The following CLEC9A variants were observed in gnomAD, a reference collection of about 807,000 sequenced individuals.
CLEC9A encodes C-type lectin domain containing 9A.
Under a neutral mutation model 30.0 loss-of-function variants are expected in CLEC9A, and 24 were observed. The observed-to-expected ratio is 0.80, with a 90% CI of 0.58 to 1.13. The LOEUF is 1.13. Among genes scored for constraint, CLEC9A ranks in the 50% most tolerant of loss-of-function variants. CLEC9A has a pLI of 0.00. For synonymous variants in CLEC9A, 111 were observed against 96.8 expected (o/e 1.15, Z -0.86); for missense variants, 251 against 280.9 (o/e 0.89, Z 0.76).
intron 2 of CLEC9A, among the ~76,000 whole-genome samples, chr12:10,049,956 AT>A (rs762692221): frequency 2.0e-5 from 3 of 152,086 alleles, no homozygotes; most frequent in Non-Finnish European, 4.4e-5. Context: ...AAACTTAATC[AT>A]TTTTAACTTT....
chr12:10,059,436 T>C (rs1467739257), intron 5 of CLEC9A, among the ~76,000 whole-genome samples: 1 of 152,134 alleles, frequency 6.6e-6, no homozygotes, highest in Non-Finnish European at 1.5e-5. Context: ...TAGACCACAG[T>C]CTTAAAAGTA....
At chr12:10,056,786 GA>G (rs2137311127) in intron 5 of CLEC9A, among the ~76,000 whole-genome samples, 1 of 152,148 alleles carries the variant, frequency 6.6e-6, no homozygotes, top group African/African-American at 2.4e-5. Context: ...ATTGTATGAA[GA>G]AAATGTTACT....
chr12:10,031,437 A>C lies in CLEC9A; in HGVS notation c.-318+465A>C, dbSNP rs188490692. Among the ~76,000 whole-genome samples the C allele has an allele frequency of 9.2e-5, 14 of 152,208 alleles. No homozygotes were observed. The East Asian group carries it at 2.7e-3, about 29-fold the overall frequency. On this transcript the variant is annotated intron_variant, in intron 1 of 8. Transcript: ENST00000355819. ...AGGAGGCCATCCCTGGTTATTTCTT[A>C]CTCCTCTGTTGATTTCCTTTAATCT... is the stretch of plus-strand genomic sequence containing the variant.
At chr12:10,058,096 T>G (rs1252653428) in intron 5 of CLEC9A, among the ~76,000 whole-genome samples, 1 of 152,162 alleles carries the variant, frequency 6.6e-6, no homozygotes, top group Non-Finnish European at 1.5e-5. Context: ...TTGCTTCCCA[T>G]TTAGGGTAAA....
chr12:10,060,426 A>T (rs557022775), intron 5 of CLEC9A, among the ~76,000 whole-genome samples: 1 of 152,366 alleles, frequency 6.6e-6, no homozygotes, highest in African/African-American at 2.4e-5. Flanking sequence ...TCTCCAGAGG[A>T]TTATTCTGAG....
chr12:10,065,279 A>G (rs577916932), intron 8 of CLEC9A, among the ~76,000 whole-genome samples: 3 of 152,316 alleles, frequency 2.0e-5, no homozygotes, highest in African/African-American at 7.2e-5. Context: ...TTGGGTATCT[A>G]TGTTTTCTTT....
chr12:10,038,091 T>C (rs936121238), intron 1 of CLEC9A, among the ~76,000 whole-genome samples: 4 of 152,238 alleles, frequency 2.6e-5, no homozygotes, highest in African/African-American at 9.6e-5. Context: ...TGGGAACCAC[T>C]GAATATTTTA....
chr12:10,039,345 A>G (rs1312614864), intron 1 of CLEC9A, among the ~76,000 whole-genome samples: 1 of 152,216 alleles, frequency 6.6e-6, no homozygotes, highest in African/African-American at 2.4e-5. Context: ...TCCTATACAT[A>G]GCTGCCAAGA....
chr12:10,042,215 A>G (rs903780683), intron 2 of CLEC9A, among the ~76,000 whole-genome samples: 2 of 152,222 alleles, frequency 1.3e-5, no homozygotes, highest in Non-Finnish European at 2.9e-5. Flanking sequence ...CAGGTTCTGT[A>G]GGGAAGTATA....
At chr12:10,034,748 G>C (rs941780231) in intron 1 of CLEC9A, among the ~76,000 whole-genome samples, 1 of 152,192 alleles carries the variant, frequency 6.6e-6, no homozygotes, top group African/African-American at 2.4e-5. Flanking sequence ...GGGAGGGGCA[G>C]GCTGTGGGGC....
In CLEC9A at chr12:10,045,362, CT is replaced by C. The variant is rs538722443; in HGVS notation, c.-163+3752del. On this transcript the variant is annotated intron_variant, in intron 2 of 8. Transcript: ENST00000355819. ...TTGGGAGCTACTCAACAATGAGAAACTTTTTTTTTTACTGTTTTCCCCAGAG... is the reference window on the plus strand; with the variant it reads ...TTGGGAGCTACTCAACAATGAGAAACTTTTTTTTTACTGTTTTCCCCAGAG... 8.6e-3 allele frequency: 1,303 copies of C among 151,162 alleles called. 12 individuals are homozygous for C. The highest frequency in any genetic ancestry group is 0.011 in the Non-Finnish European group (730 of 67,978). The allele number at this position is 151,162 out of a possible 1,614,324, so 9.4% of individuals were successfully genotyped here.
chr12:10,037,954 A>C (rs981327613), intron 1 of CLEC9A, among the ~76,000 whole-genome samples: 2 of 152,198 alleles, frequency 1.3e-5, no homozygotes, highest in African/African-American at 4.8e-5. Context: ...TGTTAAAAAA[A>C]AAAGTTCACA....
At chr12:10,032,097 C>A (rs748472688) in intron 1 of CLEC9A, among the ~76,000 whole-genome samples, 1 of 152,168 alleles carries the variant, frequency 6.6e-6, no homozygotes, top group Non-Finnish European at 1.5e-5. Flanking sequence ...AAAATACTCA[C>A]AACATCCAAT....
intron 1 of CLEC9A, among the ~76,000 whole-genome samples, chr12:10,039,465 C>T (rs1865772390): frequency 6.6e-6 from 1 of 152,230 alleles, no homozygotes; most frequent in African/African-American, 2.4e-5. Flanking sequence ...AAGAACTCCT[C>T]AGTGTGGATC....
At position 10,052,737 on chromosome 12, in the gene CLEC9A, C is replaced by T. The variant is rs1174978036; in HGVS notation, c.50C>T (p.Pro17Leu). The T allele has an allele frequency of 6.2e-7, 1 of 1,613,836 alleles. No homozygotes were observed. The highest frequency in any genetic ancestry group is 1.3e-5 in the African/African-American group (1 of 74,898). ...TCTCTTCAGTGGGATAGCCCAGCACCAGACACTTACCAGAAATGTCTGTCT... is the reference window on the plus strand; with the variant it reads ...TCTCTTCAGTGGGATAGCCCAGCACTAGACACTTACCAGAAATGTCTGTCT... ...YTSLQWDSPA[P>L]DTYQKCLSSN... The change falls in exon 4 of 9, where the codon CCA becomes CTA. Residue 17 changes from proline (P) to leucine (L), a missense_variant. Transcript: ENST00000355819.
At chr12:10,057,298 C>G (rs1406829636) in intron 5 of CLEC9A, among the ~76,000 whole-genome samples, 1 of 151,846 alleles carries the variant, frequency 6.6e-6, no homozygotes, top group East Asian at 1.9e-4. Context: ...TTTATGAAAA[C>G]TTGCATTGCA....
chr12:10,052,286 C>G (rs111938378), intron 3 of CLEC9A, 192 bp downstream of exon 3: 157 of 166,012 alleles, frequency 9.5e-4, no homozygotes, highest in African/African-American at 3.3e-3. Flanking sequence ...TGTGAGTTAT[C>G]TTTATATCTT....
At chr12:10,045,973 T>G (rs1865842478) in intron 2 of CLEC9A, among the ~76,000 whole-genome samples, 1 of 152,232 alleles carries the variant, frequency 6.6e-6, no homozygotes. Context: ...TTAATTAAGT[T>G]GGGCAAAATA....
chr12:10,060,857 C>A, intron 5 of CLEC9A: 1 of 314,270 alleles, frequency 3.2e-6, no homozygotes, highest in South Asian at 3.9e-5. Flanking sequence ...TATTCAAAAG[C>A]TCCCAAATAA....
Sources: gnomAD v4.1 joint callset for allele counts (sites outside exome capture counted in the v4.1 genomes callset) on GRCh38, gnomAD v4.1.1 for gene constraint, MANE v1.5 for transcripts, NCBI Gene and HGNC (gene_info 2026-07-23, HGNC 2026-07-21) for gene names.